Variants in IGFN1 observed in about 807,000 individuals in gnomAD.
IGFN1 encodes the protein immunoglobulin-like and fibronectin type III domain-containing protein 1.
In IGFN1, 253 loss-of-function variants were observed where a neutral mutation model predicts 289.5. The ratio of observed to expected loss-of-function variants is 0.87; its 90% confidence interval spans 0.79 to 0.97. IGFN1 has a LOEUF of 0.97. Ranked by LOEUF, IGFN1 falls within the 50% of genes least tolerant of loss-of-function variation. The probability of loss-of-function intolerance (pLI) is 0.00; values close to 1 mark genes in which losing one functional copy is unlikely to be tolerated. For synonymous variants in IGFN1, 1,706 were observed against 1,788.5 expected (o/e 0.95, Z 1.16); for missense variants, 4,470 against 4,686.1 (o/e 0.95, Z 1.35).
intron 21 of IGFN1, 38 bp downstream of exon 21, chr1:201,224,912 C>A (rs764145107): frequency 1.3e-6 from 2 of 1,515,158 alleles, no homozygotes; most frequent in Admixed American, 3.8e-5. Flanking sequence ...GACGCTGGCT[C>A]GGCCACTCAC....
chr1:201,225,973 G>A lies in IGFN1; in HGVS notation c.10636G>A (p.Glu3546Lys), dbSNP rs146256261. ...TRSSAHGPWH[E>K]AADRIHTNRF... ...CTCCTCAGCGCACGGTCCCTGGCACGAGGCAGCCGACCGCATCCACACCAA... is the reference window on the plus strand; with the variant it reads ...CTCCTCAGCGCACGGTCCCTGGCACAAGGCAGCCGACCGCATCCACACCAA... The change falls in exon 22 of 24, where the codon GAG becomes AAG. Residue 3546 changes from glutamate (E) to lysine (K), a missense_variant. Glu to Lys is a moderately conservative substitution (Grantham distance 56). Coordinates refer to ENST00000335211, the MANE Select transcript of IGFN1 (RefSeq NM_001164586.2). 6.8e-5 allele frequency: 107 copies of A among 1,576,384 alleles called. No homozygotes were observed. Among genetic ancestry groups the A allele is most frequent in the Non-Finnish European group, 8.8e-5 (102 of 1,158,872 alleles).
intron 11 of IGFN1, among the ~76,000 whole-genome samples, chr1:201,205,822 C>T (rs1028256362): frequency 1.3e-5 from 2 of 152,226 alleles, no homozygotes; most frequent in Non-Finnish European, 2.9e-5. Context: ...TGCGTTTTCT[C>T]CAAAACCCTC....
intron 21 of IGFN1, among the ~76,000 whole-genome samples, chr1:201,225,218 C>A (rs980178718): frequency 3.2e-4 from 48 of 152,326 alleles, no homozygotes; most frequent in African/African-American, 1.1e-3. Context: ...GCAGCCGTTG[C>A]ACAGGATAAA....
chr1:201,206,054 C>A, intron 11 of IGFN1, 29 bp from the exon 12 acceptor site: 2 of 1,428,988 alleles, frequency 1.4e-6, no homozygotes, highest in Non-Finnish European at 9.6e-7. Context: ...TGGGCACTGA[C>A]CTTCCATATG....
intron 1 of IGFN1, 108 bp from the exon 2 acceptor site, chr1:201,193,139 G>A: frequency 1.6e-6 from 1 of 619,110 alleles, no homozygotes; most frequent in Non-Finnish European, 2.9e-6. Context: ...GGGGGCAGCA[G>A]CTTTTTCCAG....
Position 201,209,703 on chromosome 1 carries a change from A to G in IGFN1, c.4810A>G (p.Lys1604Glu), listed in dbSNP as rs1200548610. ...GTCAGTGAATGAAGCAGGTTATAGG[A>G]AGGACTTGGGGGTTCCTGAGGGAAT... ...MGSVNEAGYR[K>E]DLGVPEGIGS... Residue 1604 changes from lysine (K) to glutamate (E), a missense_variant, in exon 12 of 24, where the codon AAG becomes GAG. By Grantham distance (56) the Lys-to-Glu change is moderately conservative. This residue lies in a region of IGFN1 where 31 missense variants were observed against 121.0 expected (regional missense o/e 0.26). Coordinates refer to ENST00000335211, the MANE Select transcript of IGFN1 (RefSeq NM_001164586.2). The G allele has an allele frequency of 6.6e-7, 1 of 1,522,102 alleles. No individual in the cohort carries two copies. The highest frequency in any genetic ancestry group is 1.4e-5 in the African/African-American group (1 of 71,052). The allele number at this position is 1,522,102 out of a possible 1,614,324, so 94.3% of individuals were successfully genotyped here.
At chr1:201,204,962 C>T in intron 10 of IGFN1, 120 bp from the exon 11 acceptor site, 1 of 980,612 alleles carries the variant, frequency 1.0e-6, no homozygotes, top group Non-Finnish European at 1.5e-6. Flanking sequence ...TCCAAGGTAA[C>T]ATGGGGAGTT....
At chr1:201,200,181 G>C (rs1309441822) in intron 7 of IGFN1, 56 bp from the exon 8 acceptor site, 2 of 1,443,744 alleles carry the variant, frequency 1.4e-6, no homozygotes, top group Non-Finnish European at 1.9e-6. Flanking sequence ...GAGCCAGGTG[G>C]CCAACAGAGG....
At chr1:201,214,140 G>A (rs1667973332) in intron 12 of IGFN1, 37 bp from the exon 13 acceptor site, 1 of 1,564,922 alleles carries the variant, frequency 6.4e-7, no homozygotes, top group Non-Finnish European at 8.7e-7. Flanking sequence ...ATGGCCTGGG[G>A]CGCTCGGCCC....
rs1159875751 is a variant in IGFN1 at position 201,207,777 on chromosome 1, T to C, written c.2884T>C (p.Ser962Pro). 49 of 1,536,236 alleles carry C rather than the reference T, an allele frequency of 3.2e-5. No homozygotes were observed. In the Admixed American group the frequency reaches 8.8e-4, roughly 28 times the overall value. Residue 962 changes from serine (S) to proline (P), a missense_variant, in exon 12 of 24, where the codon TCT becomes CCT. Around this residue, in one of 8 missense-constraint regions of IGFN1, gnomAD observed 2,011 missense variants for 1,953.4 expected, o/e 1.03. Coordinates refer to ENST00000335211, the MANE Select transcript of IGFN1 (RefSeq NM_001164586.2). ...ESRYEGGLGY[S>P]REISSKSGAG... Reference sequence around the variant, plus strand: ...TAGGTACGAGGGTGGCTTAGGATATTCTAGGGAAATAAGCTCTAAAAGCGG... The same window carrying C: ...TAGGTACGAGGGTGGCTTAGGATATCCTAGGGAAATAAGCTCTAAAAGCGG...
At chr1:201,200,158 A>G in intron 7 of IGFN1, 79 bp from the exon 8 acceptor site, 1 of 1,197,640 alleles carries the variant, frequency 8.3e-7, no homozygotes, top group South Asian at 1.5e-5. Context: ...TCCCAGAACT[A>G]CTTGGGACAC....
intron 3 of IGFN1, among the ~76,000 whole-genome samples, chr1:201,195,019 A>C (rs1392278251): frequency 6.6e-6 from 1 of 152,086 alleles, no homozygotes; most frequent in Non-Finnish European, 1.5e-5. Flanking sequence ...GGCATGGAGC[A>C]TGGGGTCTTT....
intron 17 of IGFN1, 130 bp downstream of exon 17, chr1:201,217,590 T>C: frequency 2.2e-6 from 2 of 893,250 alleles, no homozygotes; most frequent in Non-Finnish European, 3.4e-6. Flanking sequence ...TCTGGAGATA[T>C]TTTTCGTGGT....
At chr1:201,213,767 T>G (rs1234888634) in intron 12 of IGFN1, 146 bp downstream of exon 12, 1 of 697,256 alleles carries the variant, frequency 1.4e-6, no homozygotes, top group East Asian at 2.7e-5. Context: ...AGGAATCTTT[T>G]GCAAATTTAG....
intron 7 of IGFN1, among the ~76,000 whole-genome samples, 184 bp from the exon 8 acceptor site, chr1:201,200,053 C>T (rs911936765): frequency 2.0e-5 from 3 of 152,078 alleles, no homozygotes; most frequent in South Asian, 2.1e-4. Flanking sequence ...GAGGCTGAGG[C>T]TCGCCCCACC....
At chr1:201,214,983 G>A (rs759070951) in intron 13 of IGFN1, 30 bp from the exon 14 acceptor site, 2 of 1,607,156 alleles carry the variant, frequency 1.2e-6, no homozygotes, top group East Asian at 4.5e-5. Context: ...GGAGTGGGGT[G>A]ACCTTCTCCT....
chr1:201,209,420 C>A lies in IGFN1; in HGVS notation c.4527C>A (p.Ser1509Arg). ...TTTCTGAGGGAGGGGGTTCAGGGAG[C>A]AAAGCAGGTTATAGGGGTGGCTTAG... ...LGVSEGGGSG[S>R]KAGYRGGLGS... Residue 1509 changes from serine (S) to arginine (R), a missense_variant, in exon 12 of 24, where the codon AGC (serine) becomes AGA (arginine). Physicochemically the swap from Ser to Arg is moderately radical, Grantham distance 110. Transcript: ENST00000335211. The A allele has an allele frequency of 6.6e-7, 1 of 1,525,122 alleles. No homozygotes were observed. The highest frequency in any genetic ancestry group is 8.8e-7 in the Non-Finnish European group (1 of 1,142,166). 94.5% of individuals were successfully genotyped at this position (1,525,122 alleles called of 1,614,324 possible). A position where few individuals can be genotyped will look rare whatever the true frequency, so the allele number is the denominator to read the frequency against.
rs1313027505 is a variant in IGFN1, at chr1:201,212,872, C to T, written c.7979C>T (p.Ala2660Val). 6.4e-7 allele frequency: 1 copy of T among 1,551,244 alleles called. No individual in the cohort carries two copies. Among genetic ancestry groups the T allele is most frequent in the South Asian group, 1.2e-5 (1 of 84,048 alleles). ...ASGSLQEKDA[A>V]FGGTHEGPGG... ...GGTTCTCTGCAGGAGAAAGATGCCG[C>T]TTTTGGTGGGACCCATGAAGGGCCA... Residue 2660 changes from alanine (A) to valine (V), a missense_variant, in exon 12 of 24, where the codon GCT becomes GTT. Physicochemically the swap from Ala to Val is moderately conservative, Grantham distance 64. Coordinates refer to ENST00000335211, the MANE Select transcript of IGFN1 (RefSeq NM_001164586.2).
chr1:201,200,171 G>A (rs1667085986), intron 7 of IGFN1, 66 bp from the exon 8 acceptor site: 1 of 1,378,922 alleles, frequency 7.3e-7, no homozygotes, highest in South Asian at 1.4e-5. Context: ...TGGGACACCA[G>A]AGCCAGGTGG....
Sources: gnomAD v4.1 joint callset for allele counts (sites outside exome capture counted in the v4.1 genomes callset) on GRCh38, gnomAD v4.1.1 for gene constraint, gnomAD v4.1.1 regional missense constraint, MANE v1.5 for transcripts, NCBI Gene and HGNC (gene_info 2026-07-23, HGNC 2026-07-21) for gene names.